The following YAP1 variants were observed in gnomAD, a reference collection of about 807,000 sequenced individuals.
YAP1 encodes the protein transcriptional coactivator YAP1.
Under a neutral mutation model 56.9 loss-of-function variants are expected in YAP1, and 5 were observed. That is an observed-to-expected ratio of 0.09 (90% CI 0.05 to 0.18). The LOEUF is 0.18. Among genes scored for constraint, YAP1 ranks in the 10% least tolerant of loss-of-function variants. The probability of loss-of-function intolerance (pLI) is 1.00; values close to 1 mark genes in which losing one functional copy is unlikely to be tolerated. For missense variants in YAP1, 539 were observed against 651.8 expected, an observed-to-expected ratio of 0.83 and a Z score of 1.88; for synonymous variants, 265 against 248.1, an observed-to-expected ratio of 1.07 and a Z score of -0.64.
At chr11:102,192,709 T>C (rs1274048370) in intron 4 of YAP1, among the ~76,000 whole-genome samples, 1 of 152,234 alleles carries the variant, frequency 6.6e-6, no homozygotes, top group African/African-American at 2.4e-5. Context: ...TGCTTTGGAC[T>C]CTTGCTTAAG....
At chr11:102,209,628 A>G in intron 6 of YAP1, 64 bp downstream of exon 6, 1 of 1,435,062 alleles carries the variant, frequency 7.0e-7, no homozygotes, top group Non-Finnish European at 9.4e-7. Flanking sequence ...ATTAGGAAAG[A>G]GAAACTTACA....
intron 2 of YAP1, among the ~76,000 whole-genome samples, chr11:102,123,148 C>T (rs1251983125): frequency 1.3e-5 from 2 of 152,074 alleles, no homozygotes; most frequent in Non-Finnish European, 2.9e-5. Flanking sequence ...AATATTTTTA[C>T]GTTATGACAA....
intron 5 of YAP1, among the ~76,000 whole-genome samples, chr11:102,206,674 C>A (rs2135598285): frequency 6.6e-6 from 1 of 152,268 alleles, no homozygotes; most frequent in Non-Finnish European, 1.5e-5. Flanking sequence ...GAAACCCCAT[C>A]TCTACTAAAA....
chr11:102,128,838 A>T (rs1351581812), intron 2 of YAP1, among the ~76,000 whole-genome samples: 1 of 152,190 alleles, frequency 6.6e-6, no homozygotes, highest in Admixed American at 6.5e-5. Context: ...CAAGTTCTTC[A>T]TCTAGTTAAT....
At chr11:102,225,940 G>A (rs532182573) in intron 7 of YAP1, among the ~76,000 whole-genome samples, 2 of 152,312 alleles carry the variant, frequency 1.3e-5, no homozygotes, top group African/African-American at 2.4e-5. Flanking sequence ...TGTAGGAAGT[G>A]GGGTTCTGCA....
At chr11:102,161,345 T>TACACACACACAC (rs34552492) in intron 2 of YAP1, among the ~76,000 whole-genome samples, 22 of 141,234 alleles carry the variant, frequency 1.6e-4, no homozygotes, top group African/African-American at 4.5e-4. Flanking sequence ...GTACTTTCAC[T>TACACACACACAC]ACACACACAC....
At chr11:102,195,190 C>A (rs2135548644) in intron 4 of YAP1, among the ~76,000 whole-genome samples, 1 of 152,308 alleles carries the variant, frequency 6.6e-6, no homozygotes, top group East Asian at 1.9e-4. Flanking sequence ...CACGTTCTCC[C>A]TTTTCTGCCT....
At chr11:102,227,232 A>T (rs1950237070) in intron 7 of YAP1, 1 of 480,780 alleles carries the variant, frequency 2.1e-6, no homozygotes, top group Non-Finnish European at 3.7e-6. Flanking sequence ...GAACCTTAGG[A>T]GAAATCTTGG....
intron 6 of YAP1, among the ~76,000 whole-genome samples, chr11:102,222,270 CTG>C (rs909628276): frequency 4.6e-5 from 7 of 152,046 alleles, no homozygotes; most frequent in South Asian, 4.1e-4. Flanking sequence ...TGATAAGAAA[CTG>C]TATGTATTTC....
chr11:102,218,640 T>G (rs2135675232), intron 6 of YAP1, among the ~76,000 whole-genome samples: 1 of 152,322 alleles, frequency 6.6e-6, no homozygotes, highest in East Asian at 1.9e-4. Flanking sequence ...CAAGTCTAAT[T>G]TAGGTGAATC....
intron 2 of YAP1, among the ~76,000 whole-genome samples, chr11:102,157,959 G>A (rs1157092223): frequency 1.3e-5 from 2 of 152,130 alleles, no homozygotes; most frequent in African/African-American, 4.8e-5. Context: ...GGTATTTGGA[G>A]TGTCCATAAA....
intron 2 of YAP1, among the ~76,000 whole-genome samples, chr11:102,134,963 C>T (rs1439356428): frequency 6.6e-6 from 1 of 152,134 alleles, no homozygotes; most frequent in Non-Finnish European, 1.5e-5. Flanking sequence ...ACTGCAACCT[C>T]TGCCTCCTTG....
At chr11:102,154,349 G>A (rs772079268) in intron 2 of YAP1, among the ~76,000 whole-genome samples, 27 of 152,114 alleles carry the variant, frequency 1.8e-4, no homozygotes, top group Non-Finnish European at 4.0e-4. Flanking sequence ...GGAGACAGAA[G>A]GGAAGACATT....
At chr11:102,175,256 C>T (rs368637160) in intron 3 of YAP1, among the ~76,000 whole-genome samples, 3 of 151,976 alleles carry the variant, frequency 2.0e-5, no homozygotes, top group Non-Finnish European at 4.4e-5. Flanking sequence ...AAAAATTAGC[C>T]GGGCATGGTG....
At chr11:102,174,094 T>A (rs1947083788) in intron 3 of YAP1, among the ~76,000 whole-genome samples, 1 of 152,228 alleles carries the variant, frequency 6.6e-6, no homozygotes, top group African/African-American at 2.4e-5. Context: ...CTGATACTGC[T>A]GGTTAAAGGA....
intron 5 of YAP1, 125 bp from the exon 6 acceptor site, chr11:102,209,392 T>G (rs149721889): frequency 2.9e-5 from 25 of 858,610 alleles, no homozygotes; most frequent in South Asian, 1.0e-4. Context: ...TCAGTCTGCT[T>G]CTTCTTGGGT....
In YAP1 at chr11:102,230,858, CTT is replaced by C. The variant is rs1052011177; in HGVS notation, c.*921_*922del. 2 of 152,146 alleles carry C rather than the reference CTT, an allele frequency of 1.3e-5. No homozygotes were observed. The highest frequency in any genetic ancestry group is 2.4e-5 in the African/African-American group (1 of 41,422). The allele number at this position is 152,146 out of a possible 1,614,324, so 9.4% of individuals were successfully genotyped here. A position where few individuals can be genotyped will look rare whatever the true frequency, so the allele number is the denominator to read the frequency against. ...TTTAAATCTCGATTATCTGCTCTCT[CTT>C]TTATATACATACACACACCCAAACA... is the stretch of plus-strand genomic sequence containing the variant. On this transcript the variant is annotated 3_prime_UTR_variant, in exon 9 of 9. Transcript: ENST00000282441.
At chr11:102,164,178 G>A (rs1009552597) in intron 3 of YAP1, among the ~76,000 whole-genome samples, 1 of 151,890 alleles carries the variant, frequency 6.6e-6, no homozygotes, top group Non-Finnish European at 1.5e-5. Flanking sequence ...GGTACTACAG[G>A]CGCCTGCCTC....
At chr11:102,162,778 G>A (rs928938286) in intron 3 of YAP1, among the ~76,000 whole-genome samples, 9 of 152,132 alleles carry the variant, frequency 5.9e-5, no homozygotes, top group Admixed American at 1.3e-4. Flanking sequence ...TAAGGGGGCC[G>A]ATAACTGAAA....
Sources: gnomAD v4.1 joint callset for allele counts (sites outside exome capture counted in the v4.1 genomes callset) on GRCh38, gnomAD v4.1.1 for gene constraint, MANE v1.5 for transcripts, NCBI Gene and HGNC (gene_info 2026-07-23, HGNC 2026-07-21) for gene names.